SRCIN1: variants seen among roughly 807,000 people sequenced by gnomAD.
SRCIN1 encodes P130Cas-associated protein.
A neutral mutation model predicts 116.2 loss-of-function variants in SRCIN1; 50 were observed. The ratio of observed to expected loss-of-function variants is 0.43; its 90% CI spans 0.34 to 0.54. SRCIN1 has a LOEUF of 0.54. Ranked by LOEUF, SRCIN1 falls within the 20% of genes least tolerant of loss-of-function variation. The pLI, the probability that SRCIN1 is intolerant of heterozygous loss-of-function variation, is 0.02. For missense variants in SRCIN1, 1,446 were observed against 1,672.0 expected (o/e 0.86, Z 2.36); for synonymous variants, 736 against 750.0 (o/e 0.98, Z 0.30).
Position 38,560,015 on chromosome 17 carries a change from C to T in SRCIN1, c.1837+39G>A, listed in dbSNP as rs1257477134. 4.7e-6 allele frequency: 7 copies of T among 1,503,026 alleles called. No individual in the cohort carries two copies. The Admixed American group carries it at 7.8e-5, about 17-fold the overall frequency. The allele number at this position is 1,503,026 out of a possible 1,614,324, so 93.1% of individuals were successfully genotyped here. A position where few individuals can be genotyped will look rare whatever the true frequency, so the allele number is the denominator to read the frequency against. Reference sequence around the variant, plus strand: ...CACTTTATAGATTAGAAAACAGGCTCGGAGAGAACAAGGATGGGGGAGGGG... The same window carrying T: ...CACTTTATAGATTAGAAAACAGGCTTGGAGAGAACAAGGATGGGGGAGGGG... On this transcript the variant is annotated intron_variant, in intron 9 of 18. Coordinates refer to ENST00000617146, the MANE Select transcript of SRCIN1 (RefSeq NM_025248.3).
At chr17:38,559,175 A>G in intron 10 of SRCIN1, 1 of 223,952 alleles carries the variant, frequency 4.5e-6, no homozygotes, top group Non-Finnish European at 8.8e-6. Flanking sequence ...CTCAGGAGGG[A>G]GGAGCTGAGA....
intron 14 of SRCIN1, 60 bp from the exon 15 acceptor site, chr17:38,551,449 C>T: frequency 2.1e-6 from 3 of 1,408,640 alleles, no homozygotes; most frequent in Non-Finnish European, 2.9e-6. Context: ...ACCTCTGGGG[C>T]CTCAGCCTCC....
At chr17:38,606,926 C>T (rs1381787922), upstream of SRCIN1, among the ~76,000 whole-genome samples, 2 of 152,210 alleles carry the variant, frequency 1.3e-5, no homozygotes, top group Admixed American at 6.5e-5. This position sits in a 1 kb window ranked among gnomAD's most constrained non-coding sequence, Gnocchi z 5.2. Context: ...GGGCTGAGTC[C>T]CCTGTCCCTT....
chr17:38,578,560 T>C lies in SRCIN1; in HGVS notation c.254A>G (p.Asp85Gly). ...DADRKRDAFMDHLKSKYPQHA... is the reference protein window; with the variant it reads ...DADRKRDAFMGHLKSKYPQHA... ...CTGTGGGTACTTGCTCTTCAGGTGG[T>C]CCATGAAGGCATCACGCTTGCGGTC... The change falls in exon 2 of 19, where the codon GAC becomes GGC. Residue 85 changes from aspartate to glycine, a missense_variant. By Grantham distance (94) the Asp-to-Gly change is moderately conservative. Coordinates refer to ENST00000617146, the MANE Select transcript of SRCIN1 (RefSeq NM_025248.3). 6.2e-7 allele frequency: 1 copy of C among 1,610,828 alleles called. No individual in the cohort carries two copies. Among genetic ancestry groups the C allele is most frequent in the Non-Finnish European group, 8.5e-7 (1 of 1,177,764 alleles).
chr17:38,591,225 T>C (rs1452924059), intron 1 of SRCIN1, among the ~76,000 whole-genome samples: 1 of 152,196 alleles, frequency 6.6e-6, no homozygotes, highest in African/African-American at 2.4e-5. Flanking sequence ...ACTCATTACA[T>C]CCAAAGCACC....
At chr17:38,579,572 G>A (rs949050774) in intron 1 of SRCIN1, among the ~76,000 whole-genome samples, 10 of 152,134 alleles carry the variant, frequency 6.6e-5, no homozygotes, top group Non-Finnish European at 1.5e-4. Context: ...TCCTTCCCAG[G>A]GGCTTTCCCC....
In SRCIN1 at chr17:38,544,239, G is replaced by A. The variant is rs1904936197; in HGVS notation, c.3271-270C>T. 6.6e-6 allele frequency among the ~76,000 whole-genome samples: 1 copy of A among 152,158 alleles called. No individual in the cohort carries two copies. The highest frequency in any genetic ancestry group is 2.4e-5 in the African/African-American group (1 of 41,434). On this transcript the variant is annotated intron_variant, in intron 17 of 18. Transcript: ENST00000617146. The surrounding 1 kb of genome is among the most constrained non-coding windows in gnomAD (Gnocchi z 4.5). ...AGCTCTTCGGTGGCTTCCTTGAGTA[G>A]CTCAGGGGCAGCTGATGCCCTCCTT... is the stretch of plus-strand genomic sequence containing the variant.
At chr17:38,534,945 C>A (rs534799397) in intron 18 of SRCIN1, among the ~76,000 whole-genome samples, 2 of 152,056 alleles carry the variant, frequency 1.3e-5, no homozygotes, top group East Asian at 3.9e-4. Context: ...GGTAACATGG[C>A]GAGACCTCGT....
intron 1 of SRCIN1, among the ~76,000 whole-genome samples, chr17:38,581,912 T>C (rs1907845895): frequency 6.6e-6 from 1 of 152,136 alleles, no homozygotes; most frequent in Non-Finnish European, 1.5e-5. Flanking sequence ...CCTCCTCCAC[T>C]CACCCTCACC....
At chr17:38,561,436 C>G (rs1371585778) in intron 7 of SRCIN1, 27 bp downstream of exon 7, 2 of 1,488,960 alleles carry the variant, frequency 1.3e-6, no homozygotes, top group African/African-American at 2.9e-5. Context: ...CACCCCCAGT[C>G]CCTGAGGCCT....
At chr17:38,577,518 T>G (rs1907493278) in intron 2 of SRCIN1, among the ~76,000 whole-genome samples, 1 of 152,158 alleles carries the variant, frequency 6.6e-6, no homozygotes, top group South Asian at 2.1e-4. Context: ...CCCAGCTACA[T>G]CCAGTAGAAC....
At chr17:38,570,800 G>C (rs558251027) in intron 2 of SRCIN1, among the ~76,000 whole-genome samples, 1 of 152,366 alleles carries the variant, frequency 6.6e-6, no homozygotes, top group Non-Finnish European at 1.5e-5. Context: ...AGCCAAGGGA[G>C]AGGACTGGGT....
chr17:38,589,999 G>C (rs1217025363), intron 1 of SRCIN1, among the ~76,000 whole-genome samples: 1 of 152,216 alleles, frequency 6.6e-6, no homozygotes, highest in Non-Finnish European at 1.5e-5. Context: ...TCAGATAGCA[G>C]GGGCATCTTG....
intron 3 of SRCIN1, among the ~76,000 whole-genome samples, chr17:38,566,149 G>A (rs1409459089): frequency 6.6e-6 from 1 of 152,158 alleles, no homozygotes; most frequent in Non-Finnish European, 1.5e-5. Context: ...AAGAGTAGGG[G>A]GTGGCCATGG....
At position 38,552,213 on chromosome 17, in the gene SRCIN1, G is replaced by A; in HGVS notation, c.2481-81C>T. On this transcript the variant is annotated intron_variant, in intron 13 of 18. Coordinates refer to ENST00000617146, the MANE Select transcript of SRCIN1 (RefSeq NM_025248.3). This position sits in a 1 kb window ranked among gnomAD's most constrained non-coding sequence, Gnocchi z 5.3. Reference sequence around the variant, plus strand: ...CAGGAAGGCTGCTCTGAGGGAGGTGGGGTGGGAGGCAGGCTCTGGGATGCT... The same window carrying A: ...CAGGAAGGCTGCTCTGAGGGAGGTGAGGTGGGAGGCAGGCTCTGGGATGCT... 6.5e-7 allele frequency: 1 copy of A among 1,544,098 alleles called. No homozygotes were observed. Among genetic ancestry groups the A allele is most frequent in the Non-Finnish European group, 8.7e-7 (1 of 1,142,964 alleles).
intron 1 of SRCIN1, among the ~76,000 whole-genome samples, chr17:38,583,852 CA>C (rs1160239627): frequency 6.6e-6 from 1 of 152,182 alleles, no homozygotes; most frequent in Non-Finnish European, 1.5e-5. Flanking sequence ...CGCGCCAGGC[CA>C]AAGTAGGTTG....
At chr17:38,594,111 C>A (rs745680373) in intron 1 of SRCIN1, among the ~76,000 whole-genome samples, 11 of 152,198 alleles carry the variant, frequency 7.2e-5, no homozygotes, top group South Asian at 2.1e-4. Context: ...TGGTTCACTG[C>A]CCCTGAGCCC....
chr17:38,567,036 A>G (rs1187098065), intron 3 of SRCIN1, among the ~76,000 whole-genome samples: 1 of 151,716 alleles, frequency 6.6e-6, no homozygotes, highest in Admixed American at 6.6e-5. Flanking sequence ...AGCTCACTGC[A>G]GCCTCAATCT....
Position 38,559,697 on chromosome 17 carries a change from G to C in SRCIN1, c.1913C>G (p.Pro638Arg), listed in dbSNP as rs759695357. The change falls in exon 10 of 19, where the codon CCC becomes CGC. Residue 638 changes from proline to arginine, a missense_variant. Transcript: ENST00000617146. ...GPPPPSASST[P>R]AGQPTAVSRL... ...GCTAACGGCGGTAGGCTGACCTGCGGGGGTGCTGCTGGCCGAGGGCGGGGG... is the reference window on the plus strand; with the variant it reads ...GCTAACGGCGGTAGGCTGACCTGCGCGGGTGCTGCTGGCCGAGGGCGGGGG... The C allele has an allele frequency of 1.3e-6, 2 of 1,592,984 alleles. No individual in the cohort carries two copies. Among genetic ancestry groups the C allele is most frequent in the South Asian group, 2.2e-5 (2 of 90,038 alleles).
Sources: allele counts gnomAD v4.1 joint callset (sites outside exome capture counted in the v4.1 genomes callset), GRCh38; gene constraint gnomAD v4.1.1; non-coding constraint Gnocchi (gnomAD v3.1); transcripts MANE v1.5; gene names NCBI Gene and HGNC (gene_info 2026-07-23, HGNC 2026-07-21).